TRIM71: variants seen among roughly 807,000 people sequenced by gnomAD.
TRIM71 encodes the protein tripartite motif containing 71, also known as E3 ubiquitin-protein ligase TRIM71.
Under a neutral mutation model 61.2 loss-of-function variants are expected in TRIM71, and 9 were observed. That is an observed-to-expected ratio of 0.15 (90% CI 0.09 to 0.26). The LOEUF (loss-of-function observed/expected upper bound fraction) is 0.26, where lower values mean the gene tolerates loss of function less well. Among genes scored for constraint, TRIM71 ranks in the 10% least tolerant of loss-of-function variants. The pLI is 1.00. For synonymous variants in TRIM71, 645 were observed against 553.2 expected, an observed-to-expected ratio of 1.17 and a Z score of -2.33; for missense variants, 998 against 1,238.7, an observed-to-expected ratio of 0.81 and a Z score of 2.92.
chr3:32,890,904 G>A lies in TRIM71; in HGVS notation c.1700G>A (p.Cys567Tyr). 1 of 1,614,222 alleles carries A rather than the reference G, an allele frequency of 6.2e-7. No individual in the cohort carries two copies. The highest frequency in any genetic ancestry group is 8.5e-7 in the Non-Finnish European group (1 of 1,180,040). Residue 567 changes from cysteine to tyrosine, a missense_variant, in exon 4 of 4, where the codon TGC becomes TAC. Cys to Tyr is a radical substitution (Grantham distance 194). This residue lies in a region of TRIM71 where 291 missense variants were observed against 431.2 expected (regional missense o/e 0.67). Coordinates refer to ENST00000383763, the MANE Select transcript of TRIM71 (RefSeq NM_001039111.3). The surrounding 1 kb of genome is among the most constrained non-coding windows in gnomAD (Gnocchi z 6.2). Reference protein sequence around the residue: ...EGEHLVSVTLCNQHIENSPFK... With the variant: ...EGEHLVSVTLYNQHIENSPFK... ...GAGCACCTGGTATCTGTGACACTGT[G>A]CAACCAGCACATTGAGAACAGCCCT...
chr3:32,848,133 G>A (rs551896385), intron 1 of TRIM71, among the ~76,000 whole-genome samples: 1 of 152,176 alleles, frequency 6.6e-6, no homozygotes, highest in Non-Finnish European at 1.5e-5. Context: ...GCATGGCAAA[G>A]AGCCACTTAA....
chr3:32,844,619 C>G (rs147309024), intron 1 of TRIM71, among the ~76,000 whole-genome samples: 16 of 152,248 alleles, frequency 1.1e-4, no homozygotes, highest in African/African-American at 3.1e-4. Flanking sequence ...CCTGGCCAAT[C>G]ATAACTTTTC....
In TRIM71 at chr3:32,891,930, TTTTTC is replaced by T. The variant is rs546753480; in HGVS notation, c.*124_*128del. The T allele has an allele frequency of 5.2e-4, 725 of 1,392,806 alleles. No homozygotes were observed. Among genetic ancestry groups the T allele is most frequent in the Non-Finnish European group, 6.7e-4 (707 of 1,062,512 alleles). 86.3% of individuals were successfully genotyped at this position (1,392,806 alleles called of 1,614,324 possible). On this transcript the variant is annotated 3_prime_UTR_variant, in exon 4 of 4. Coordinates refer to ENST00000383763, the MANE Select transcript of TRIM71 (RefSeq NM_001039111.3). The surrounding 1 kb of genome is among the most constrained non-coding windows in gnomAD (Gnocchi z 8.2). ...AAGAAACAGTCTCAGGGAAATTTCT[TTTTTC>T]TTTTTTTTTTTTAAAGAGAACAAGA... is the stretch of plus-strand genomic sequence containing the variant.
rs1433612180 is a variant in TRIM71, at chr3:32,893,375, A to ATTTAC, written c.*1564_*1565insTTTAC. The ATTTAC allele has an allele frequency of 1.2e-4, 18 of 152,172 alleles. No individual in the cohort carries two copies. The highest frequency in any genetic ancestry group is 1.2e-3 in the Admixed American group (18 of 15,274). 9.4% of individuals were successfully genotyped at this position (152,172 alleles called of 1,614,324 possible). On this transcript the variant is annotated 3_prime_UTR_variant, in exon 4 of 4. Coordinates refer to ENST00000383763, the MANE Select transcript of TRIM71 (RefSeq NM_001039111.3). The stretch of plus-strand genomic sequence containing the variant: ...CACTTTACAGGATTGGTTGGTTGTA[A>ATTTAC]GCTGGACTTGGGTACAAAACTTGTG...
chr3:32,876,068 T>C (rs866319067), intron 2 of TRIM71, among the ~76,000 whole-genome samples: 1 of 152,192 alleles, frequency 6.6e-6, no homozygotes, highest in Admixed American at 6.5e-5. Context: ...TCATTGTCTT[T>C]AAAATGCCTT....
intron 1 of TRIM71, among the ~76,000 whole-genome samples, chr3:32,833,300 T>G (rs895990126): frequency 2.0e-5 from 3 of 151,548 alleles, no homozygotes; most frequent in African/African-American, 7.3e-5. Flanking sequence ...TATCGTAATT[T>G]CTATGAAAAC....
chr3:32,851,635 C>T (rs576655498), intron 1 of TRIM71, among the ~76,000 whole-genome samples: 4 of 152,204 alleles, frequency 2.6e-5, no homozygotes, highest in East Asian at 1.9e-4. Flanking sequence ...CCCGCCACTA[C>T]GCCTGGCTAA....
At chr3:32,827,493 C>T (rs1696217128) in intron 1 of TRIM71, among the ~76,000 whole-genome samples, 1 of 151,988 alleles carries the variant, frequency 6.6e-6, no homozygotes, top group African/African-American at 2.4e-5. Flanking sequence ...AACTCCTGAC[C>T]TCAGGTGATC....
At chr3:32,886,179 CA>C in intron 3 of TRIM71, 111 bp downstream of exon 3, 1 of 1,336,084 alleles carries the variant, frequency 7.5e-7, no homozygotes, top group Non-Finnish European at 9.8e-7. Context: ...AAGTTTAAAA[CA>C]CTTCGTAATT....
chr3:32,890,753 C>T lies in TRIM71; in HGVS notation c.1549C>T (p.Arg517Cys), dbSNP rs558049901. 197 of 1,614,086 alleles carry T rather than the reference C, an allele frequency of 1.2e-4. 3 individuals are homozygous for T. The Middle Eastern group carries it at 1.3e-3, about 11-fold the overall frequency. Residue 517 changes from arginine (R) to cysteine (C), a missense_variant, in exon 4 of 4, where the codon CGC becomes TGC. Arg to Cys is a radical substitution (Grantham distance 180). Around this residue, in one of 5 missense-constraint regions of TRIM71, gnomAD observed 291 missense variants for 431.2 expected, o/e 0.67. Transcript: ENST00000383763. This position sits in a 1 kb window ranked among gnomAD's most constrained non-coding sequence, Gnocchi z 6.2. Reference sequence around the variant, plus strand: ...TGGTTATGACCACGATGGTGAGCCCCGCCTCTCAGGAGGCGACCTGATGTC... The same window carrying T: ...TGGTTATGACCACGATGGTGAGCCCTGCCTCTCAGGAGGCGACCTGATGTC... ...VIGYDHDGEP[R>C]LSGGDLMSAV...
chr3:32,827,654 G>C (rs1307638929), intron 1 of TRIM71, among the ~76,000 whole-genome samples: 1 of 152,202 alleles, frequency 6.6e-6, no homozygotes, highest in Non-Finnish European at 1.5e-5. Flanking sequence ...AAGCAGAGCA[G>C]TGGGCACAAA....
intron 2 of TRIM71, among the ~76,000 whole-genome samples, chr3:32,877,831 A>T (rs1380605817): frequency 1.3e-5 from 2 of 152,098 alleles, no homozygotes; most frequent in African/African-American, 2.4e-5. Flanking sequence ...AGTTGATCCC[A>T]ACCCTAATCA....
chr3:32,891,399 T>C lies in TRIM71; in HGVS notation c.2195T>C (p.Val732Ala), dbSNP rs1296239862. Reference sequence around the variant, plus strand: ...ATCCAGCTGTTTGGGCCTGATGGTGTCTTCCTAAACAAGTATGGCTTCGAG... The same window carrying C: ...ATCCAGCTGTTTGGGCCTGATGGTGCCTTCCTAAACAAGTATGGCTTCGAG... ...HRIQLFGPDG[V>A]FLNKYGFEGA... is the part of the protein sequence containing the mutation. The change falls in exon 4 of 4, where the codon GTC (valine) becomes GCC (alanine). Residue 732 changes from valine (V) to alanine (A), a missense_variant. Coordinates refer to ENST00000383763, the MANE Select transcript of TRIM71 (RefSeq NM_001039111.3). The surrounding 1 kb of genome is among the most constrained non-coding windows in gnomAD (Gnocchi z 8.2). 3.1e-6 allele frequency: 5 copies of C among 1,614,050 alleles called. No individual in the cohort carries two copies. The highest frequency in any genetic ancestry group is 4.2e-6 in the Non-Finnish European group (5 of 1,180,018).
intron 3 of TRIM71, among the ~76,000 whole-genome samples, chr3:32,888,580 G>A (rs1330761563): frequency 6.6e-6 from 1 of 151,528 alleles, no homozygotes. Context: ...CGCTCTTATT[G>A]CCCAGGCTGG....
intron 1 of TRIM71, among the ~76,000 whole-genome samples, chr3:32,868,456 T>C (rs992324259): frequency 2.6e-5 from 4 of 152,134 alleles, no homozygotes; most frequent in Admixed American, 6.5e-5. Context: ...CAGGAAACAG[T>C]TTTACAATTT....
intron 1 of TRIM71, among the ~76,000 whole-genome samples, chr3:32,859,161 G>C (rs1696638525): frequency 6.6e-6 from 1 of 152,072 alleles, no homozygotes. Flanking sequence ...AATGAGGTAG[G>C]ATTTCTGATT....
At chr3:32,843,004 T>C (rs573091828) in intron 1 of TRIM71, among the ~76,000 whole-genome samples, 1 of 147,654 alleles carries the variant, frequency 6.8e-6, no homozygotes, top group South Asian at 2.1e-4. Context: ...CTTGGTCTTC[T>C]GTAATTGGAG....
chr3:32,832,028 C>G (rs1696278450), intron 1 of TRIM71, among the ~76,000 whole-genome samples: 1 of 152,136 alleles, frequency 6.6e-6, no homozygotes, highest in Non-Finnish European at 1.5e-5. Context: ...AGTCTACATC[C>G]TGTTCCTTGC....
At chr3:32,882,684 C>G (rs1696922603) in intron 2 of TRIM71, among the ~76,000 whole-genome samples, 1 of 152,094 alleles carries the variant, frequency 6.6e-6, no homozygotes, top group African/African-American at 2.4e-5. Context: ...GTAGATGGGA[C>G]TATACACAAG....
Sources: gnomAD v4.1 joint callset for allele counts (sites outside exome capture counted in the v4.1 genomes callset) on GRCh38, gnomAD v4.1.1 for gene constraint, gnomAD v4.1.1 regional missense constraint, Gnocchi (gnomAD v3.1) non-coding constraint, MANE v1.5 for transcripts, NCBI Gene and HGNC (gene_info 2026-07-23, HGNC 2026-07-21) for gene names.